Variants in MEGF10 observed in about 807,000 individuals in gnomAD.
MEGF10 encodes the protein multiple EGF like domains 10, also known as multiple epidermal growth factor-like domains protein 10.
In MEGF10, 86 loss-of-function variants were observed where a neutral mutation model predicts 147.5. That is an observed-to-expected ratio of 0.58 (90% confidence interval 0.49 to 0.70). The LOEUF is 0.70. Among genes scored for constraint, MEGF10 ranks in the 30% least tolerant of loss-of-function variants. The probability of loss-of-function intolerance (pLI) is 0.00; values close to 1 mark genes in which losing one functional copy is unlikely to be tolerated. For synonymous variants in MEGF10, 478 were observed against 525.5 expected (o/e 0.91, Z 1.24); for missense variants, 1,329 against 1,487.3 (o/e 0.89, Z 1.75).
intron 4 of MEGF10, among the ~76,000 whole-genome samples, chr5:127,361,797 A>C (rs1254071298): frequency 6.6e-6 from 1 of 152,152 alleles, no homozygotes; most frequent in Non-Finnish European, 1.5e-5. Context: ...GTTATTTAGA[A>C]GTATGTTATT....
chr5:127,247,407 GAA>G, the MEGF10 span, among the ~76,000 whole-genome samples: 9 of 65,300 alleles, frequency 1.4e-4, no homozygotes, highest in Non-Finnish European at 2.7e-4. Flanking sequence ...AGAAGAAGAA[GAA>G]GAAGAAGAAG....
At chr5:127,449,944 A>G (rs1300476227) in intron 22 of MEGF10, among the ~76,000 whole-genome samples, 3 of 152,206 alleles carry the variant, frequency 2.0e-5, no homozygotes, top group Non-Finnish European at 4.4e-5. Flanking sequence ...TAAATTAATA[A>G]TAATCACATT....
chr5:127,274,886 G>A, the MEGF10 span, among the ~76,000 whole-genome samples: 2 of 152,046 alleles, frequency 1.3e-5, no homozygotes, highest in Non-Finnish European at 2.9e-5. Context: ...AAAAGCCCTT[G>A]CTTTTTCTTT....
the MEGF10 span, among the ~76,000 whole-genome samples, chr5:127,245,253 A>G: frequency 6.6e-5 from 10 of 152,196 alleles, no homozygotes; most frequent in African/African-American, 2.2e-4. Flanking sequence ...TGGTACCAAA[A>G]CAGATATATA....
the MEGF10 span, among the ~76,000 whole-genome samples, chr5:127,246,894 T>TAA: frequency 1.4e-5 from 2 of 144,148 alleles, no homozygotes; most frequent in African/African-American, 2.6e-5. Context: ...TATTATACAA[T>TAA]AATATATACT....
At chr5:127,404,495 G>A (rs796920381) in intron 8 of MEGF10, among the ~76,000 whole-genome samples, 3 of 152,110 alleles carry the variant, frequency 2.0e-5, no homozygotes, top group African/African-American at 7.2e-5. Flanking sequence ...CTGTGGGCTG[G>A]CTCTTCACTT....
intron 16 of MEGF10, among the ~76,000 whole-genome samples, chr5:127,436,515 C>T (rs1015538607): frequency 1.3e-5 from 2 of 152,192 alleles, no homozygotes; most frequent in Non-Finnish European, 2.9e-5. Context: ...TTTAAATCTA[C>T]ATGTGTTGCA....
At chr5:127,264,440 A>C in the MEGF10 span, among the ~76,000 whole-genome samples, 1 of 152,200 alleles carries the variant, frequency 6.6e-6, no homozygotes, top group East Asian at 1.9e-4. Flanking sequence ...AATTCAAATT[A>C]GCTGAAGAAA....
intron 14 of MEGF10, 115 bp from the exon 15 acceptor site, chr5:127,434,572 T>C: frequency 8.7e-7 from 1 of 1,146,410 alleles, no homozygotes; most frequent in East Asian, 2.8e-5. Context: ...GTATCTTTTT[T>C]ACTTTTTTTT....
chr5:127,340,351 C>A (rs551463823), intron 3 of MEGF10, among the ~76,000 whole-genome samples, 179 bp from the exon 4 acceptor site: 1 of 152,240 alleles, frequency 6.6e-6, no homozygotes, highest in East Asian at 1.9e-4. Context: ...AAACTACTGA[C>A]CCCTTAAAAT....
At position 127,459,745 on chromosome 5, in the gene MEGF10, G is replaced by A. The variant is rs979824523; in HGVS notation, c.*2427G>A. The A allele has an allele frequency of 1.3e-5, 2 of 152,174 alleles. No individual in the cohort carries two copies. The highest frequency in any genetic ancestry group is 6.5e-5 in the Admixed American group (1 of 15,270). 9.4% of individuals were successfully genotyped at this position (152,174 alleles called of 1,614,324 possible). On this transcript the variant is annotated 3_prime_UTR_variant, in exon 25 of 25. Transcript: ENST00000503335. ...CTCCAGTTAGCTGATGTCCTGAAAT[G>A]ACATTTGTACCTGAGGCAATTCTTA...
In MEGF10 at chr5:127,344,894, T is replaced by C. The variant is rs555566938; in HGVS notation, c.319+4264T>C. On this transcript the variant is annotated intron_variant, in intron 4 of 24. Coordinates refer to ENST00000503335, the MANE Select transcript of MEGF10 (RefSeq NM_001256545.2). ...TATCGTTAGTGGATATTCAGGATTG[T>C]TGTTACTGCTGCAGTTTCTAAACTT... is the stretch of plus-strand genomic sequence containing the variant. 2.0e-5 allele frequency among the ~76,000 whole-genome samples: 3 copies of C among 152,338 alleles called. No homozygotes were observed. In the East Asian group the frequency reaches 5.8e-4, roughly 29 times the overall value.
At chr5:127,392,667 A>G (rs755190487) in intron 5 of MEGF10, among the ~76,000 whole-genome samples, 1 of 152,220 alleles carries the variant, frequency 6.6e-6, no homozygotes, top group Non-Finnish European at 1.5e-5. Context: ...AATGAACTTC[A>G]GTACCCAGCC....
chr5:127,418,839 T>C (rs1764874969), intron 10 of MEGF10, among the ~76,000 whole-genome samples: 1 of 149,518 alleles, frequency 6.7e-6, no homozygotes, highest in South Asian at 2.1e-4. Flanking sequence ...GGGTTTTTAT[T>C]GTTGTTTTGT....
intron 1 of MEGF10, among the ~76,000 whole-genome samples, chr5:127,329,894 A>G (rs1020318433): frequency 6.6e-6 from 1 of 152,078 alleles, no homozygotes; most frequent in African/African-American, 2.4e-5. Flanking sequence ...TCAGGTGCAA[A>G]CCATTACAGG....
chr5:127,369,466 G>A (rs1017612728), intron 4 of MEGF10, among the ~76,000 whole-genome samples: 2 of 152,088 alleles, frequency 1.3e-5, no homozygotes, highest in African/African-American at 2.4e-5. Context: ...ATTGTTTCTG[G>A]TGAATGTATT....
upstream of MEGF10, among the ~76,000 whole-genome samples, chr5:127,288,740 TA>T (rs1759109506): frequency 1.3e-5 from 2 of 152,132 alleles, no homozygotes; most frequent in South Asian, 4.1e-4. Flanking sequence ...ATAAGAAAAA[TA>T]ATAATGTATG....
Position 127,384,919 on chromosome 5 carries a change from C to A in MEGF10, c.413-11613C>A, listed in dbSNP as rs1385675259. On this transcript the variant is annotated intron_variant, in intron 5 of 24. Transcript: ENST00000503335. ...CTTCTACCATTAACAAAGGGAATGA[C>A]ACACCACAGCCTTGTTAGCCTGAAG... Among the ~76,000 whole-genome samples the A allele has an allele frequency of 1.3e-5, 2 of 152,182 alleles. 1 individual carries two copies. Among genetic ancestry groups the A allele is most frequent in the East Asian group, 3.8e-4 (2 of 5,198 alleles).
chr5:127,435,661 G>A (rs1199558642), intron 16 of MEGF10, among the ~76,000 whole-genome samples, 172 bp downstream of exon 16: 1 of 147,000 alleles, frequency 6.8e-6, no homozygotes, highest in Non-Finnish European at 1.5e-5. Flanking sequence ...TTCCCATTAC[G>A]ACCTCTATGC....
Sources: allele counts gnomAD v4.1 joint callset (sites outside exome capture counted in the v4.1 genomes callset), GRCh38; gene constraint gnomAD v4.1.1; transcripts MANE v1.5; gene names NCBI Gene and HGNC (gene_info 2026-07-23, HGNC 2026-07-21).